GRID2: variants seen among roughly 807,000 people sequenced by gnomAD.
GRID2 encodes glutamate ionotropic receptor delta type subunit 2.
A neutral mutation model predicts 114.8 loss-of-function variants in GRID2; 33 were observed. The ratio of observed to expected loss-of-function variants is 0.29; its 90% CI spans 0.22 to 0.38. The LOEUF (loss-of-function observed/expected upper bound fraction) is 0.38. Among genes scored for constraint, GRID2 ranks in the 10% least tolerant of loss-of-function variants. GRID2 has a pLI of 1.00. For synonymous variants in GRID2, 505 were observed against 449.9 expected (o/e 1.12, Z -1.55); for missense variants, 1,184 against 1,257.7 (o/e 0.94, Z 0.89).
At chr4:92,699,918 A>G (rs2149300349) in intron 2 of GRID2, among the ~76,000 whole-genome samples, 1 of 152,326 alleles carries the variant, frequency 6.6e-6, no homozygotes, top group East Asian at 1.9e-4. Flanking sequence ...TGATTTTGTT[A>G]AGTATACTTG....
intron 11 of GRID2, among the ~76,000 whole-genome samples, chr4:93,463,181 C>T (rs957501337): frequency 3.3e-5 from 5 of 151,984 alleles, no homozygotes; most frequent in African/African-American, 1.2e-4. Flanking sequence ...TTTTATCGCA[C>T]AATTCTTCAC....
At chr4:92,757,847 TAAAA>T (rs35356936) in intron 2 of GRID2, among the ~76,000 whole-genome samples, 11 of 142,792 alleles carry the variant, frequency 7.7e-5, no homozygotes, top group African/African-American at 2.8e-4. Flanking sequence ...AAAACGATGT[TAAAA>T]AAAAAAAAGG....
chr4:93,244,842 A>C (rs565262856), intron 8 of GRID2, among the ~76,000 whole-genome samples: 2 of 151,596 alleles, frequency 1.3e-5, no homozygotes, highest in African/African-American at 4.8e-5. Flanking sequence ...ATCTAAAATG[A>C]CATTTATCTT....
rs564280459 is a variant in GRID2, at chr4:93,557,371, C to A, written c.2193+41960C>A. ...TCTCCCATGCAGACACACATAGGCT[C>A]AAAATAAAGGGATGGAGGAATATTT... On this transcript the variant is annotated intron_variant, in intron 13 of 15. Coordinates refer to ENST00000282020, the MANE Select transcript of GRID2 (RefSeq NM_001510.4). Among the ~76,000 whole-genome samples, 4 of 152,030 alleles carry A rather than the reference C, an allele frequency of 2.6e-5. No homozygotes were observed. The South Asian group carries it at 8.3e-4, about 32-fold the overall frequency.
At chr4:93,526,809 C>T (rs2149507883) in intron 13 of GRID2, among the ~76,000 whole-genome samples, 1 of 152,016 alleles carries the variant, frequency 6.6e-6, no homozygotes, top group Non-Finnish European at 1.5e-5. Context: ...AACTCCATCT[C>T]AAAAATAAAA....
At chr4:93,250,294 A>G (rs1430782410) in intron 8 of GRID2, among the ~76,000 whole-genome samples, 2 of 152,094 alleles carry the variant, frequency 1.3e-5, no homozygotes, top group Non-Finnish European at 2.9e-5. Context: ...GAGTTGAACA[A>G]TGAGAACACA....
chr4:92,421,916 G>A (rs1195159165), intron 1 of GRID2, among the ~76,000 whole-genome samples: 25 of 152,190 alleles, frequency 1.6e-4, no homozygotes, highest in Admixed American at 1.5e-3. Flanking sequence ...AAAGTTCCTC[G>A]CTTCTTGCAG....
chr4:93,537,244 C>G (rs1437694294), intron 13 of GRID2, among the ~76,000 whole-genome samples: 4 of 151,590 alleles, frequency 2.6e-5, no homozygotes, highest in African/African-American at 9.7e-5. Flanking sequence ...TCATTTTCAC[C>G]CCATCAAGTA....
intron 11 of GRID2, among the ~76,000 whole-genome samples, chr4:93,481,863 C>A (rs1032428981): frequency 5.3e-5 from 8 of 151,784 alleles, no homozygotes; most frequent in Admixed American, 2.0e-4. Context: ...ATCTTAGATC[C>A]CAGAGGGATT....
At chr4:93,361,746 A>T (rs2149275748) in intron 8 of GRID2, among the ~76,000 whole-genome samples, 1 of 152,286 alleles carries the variant, frequency 6.6e-6, no homozygotes, top group South Asian at 2.1e-4. Context: ...AATGAAAGAC[A>T]GACACTATGT....
chr4:93,097,877 G>C (rs1731360107), intron 3 of GRID2, among the ~76,000 whole-genome samples: 1 of 151,870 alleles, frequency 6.6e-6, no homozygotes, highest in African/African-American at 2.4e-5. Flanking sequence ...TAAGTAGTCT[G>C]TTTTGCTTAT....
At chr4:93,398,277 A>C (rs1043510467) in intron 9 of GRID2, among the ~76,000 whole-genome samples, 12 of 151,034 alleles carry the variant, frequency 7.9e-5, no homozygotes, top group Non-Finnish European at 1.3e-4. Context: ...GAAGAATAAC[A>C]TGCAAGGAGC....
At chr4:93,788,525 G>T (rs1490801861) in intron 1 of GRID2, among the ~76,000 whole-genome samples, 2 of 151,824 alleles carry the variant, frequency 1.3e-5, no homozygotes, top group African/African-American at 4.8e-5. Context: ...ATATAAACAT[G>T]ACATTGTATA....
chr4:93,433,538 A>G (rs530315975), intron 10 of GRID2, among the ~76,000 whole-genome samples: 3 of 152,296 alleles, frequency 2.0e-5, no homozygotes, highest in African/African-American at 7.2e-5. Flanking sequence ...ATGGAAGAGA[A>G]TTCCCACGCC....
intron 2 of GRID2, among the ~76,000 whole-genome samples, chr4:92,667,258 A>G (rs1201539574): frequency 1.3e-5 from 2 of 151,786 alleles, no homozygotes; most frequent in African/African-American, 4.8e-5. Flanking sequence ...TTCCTACTCC[A>G]CTGTCTTCCC....
At chr4:93,348,901 C>A (rs1219540051) in intron 8 of GRID2, among the ~76,000 whole-genome samples, 2 of 152,162 alleles carry the variant, frequency 1.3e-5, no homozygotes, top group Non-Finnish European at 2.9e-5. Flanking sequence ...TAGAAAGCTG[C>A]ACAGAATGGA....
chr4:92,895,902 C>T (rs997169550), intron 2 of GRID2, among the ~76,000 whole-genome samples: 1 of 152,076 alleles, frequency 6.6e-6, no homozygotes, highest in Non-Finnish European at 1.5e-5. Context: ...CTAGCAATAC[C>T]TGGATTTTTT....
intron 2 of GRID2, among the ~76,000 whole-genome samples, chr4:92,703,508 T>C (rs1320044952): frequency 6.6e-6 from 1 of 151,876 alleles, no homozygotes; most frequent in African/African-American, 2.4e-5. Context: ...GAATGGGCTT[T>C]GGAGACAGTG....
chr4:92,750,182 C>T (rs1737378536), intron 2 of GRID2, among the ~76,000 whole-genome samples: 1 of 152,124 alleles, frequency 6.6e-6, no homozygotes, highest in Admixed American at 6.5e-5. Flanking sequence ...CATTCTAACA[C>T]TTTGCACCAA....
Sources: allele counts gnomAD v4.1 joint callset (sites outside exome capture counted in the v4.1 genomes callset), GRCh38; gene constraint gnomAD v4.1.1; transcripts MANE v1.5; gene names NCBI Gene and HGNC (gene_info 2026-07-23, HGNC 2026-07-21).